The following SEH1L variants were observed in gnomAD, a reference collection of about 807,000 sequenced individuals.
The protein encoded by SEH1L is nucleoporin SEH1.
A neutral mutation model predicts 49.5 loss-of-function variants in SEH1L; 18 were observed. The observed-to-expected ratio is 0.36, with a 90% CI of 0.25 to 0.54. The LOEUF is 0.54. Ranked by LOEUF, SEH1L falls within the 20% of genes least tolerant of loss-of-function variation. The pLI is 0.87. For missense variants in SEH1L, 404 were observed against 528.8 expected (o/e 0.76, Z 2.31); for synonymous variants, 169 against 178.1 (o/e 0.95, Z 0.41).
chr18:12,986,439 A>T, intron 8 of SEH1L: 1 of 986,224 alleles, frequency 1.0e-6, no homozygotes, highest in East Asian at 1.1e-4. Context: ...CACTAAAAAA[A>T]ATGTGTGCTT....
intron 8 of SEH1L, chr18:12,986,151 G>T: frequency 1.0e-6 from 1 of 983,928 alleles, no homozygotes; most frequent in Non-Finnish European, 1.2e-6. Flanking sequence ...TCTTAATTTA[G>T]TTCGCTGTTT....
intron 4 of SEH1L, among the ~76,000 whole-genome samples, chr18:12,970,328 C>T (rs2031641094): frequency 6.6e-6 from 1 of 152,150 alleles, no homozygotes; most frequent in African/African-American, 2.4e-5. Flanking sequence ...TGAGGTTGAC[C>T]ACAGATGAGT....
chr18:12,958,012 T>C lies in SEH1L; in HGVS notation c.309+2403T>C, dbSNP rs1011236505. ...GCGTGAGCCACTACGAGGGCCATGA[T>C]GCAATTTTTTATTGTGGTAAAATAT... On this transcript the variant is annotated intron_variant, in intron 3 of 8. Transcript: ENST00000399892. Among the ~76,000 whole-genome samples, 6 of 151,102 alleles carry C rather than the reference T, an allele frequency of 4.0e-5. No individual in the cohort carries two copies. In the Admixed American group the frequency reaches 4.0e-4, roughly 10 times the overall value.
intron 6 of SEH1L, among the ~76,000 whole-genome samples, chr18:12,980,396 C>T (rs1186752692): frequency 8.7e-5 from 9 of 103,858 alleles, no homozygotes; most frequent in Non-Finnish European, 1.4e-4. Flanking sequence ...CCCTCCCGGA[C>T]GGGGCGGCTG....
intron 4 of SEH1L, among the ~76,000 whole-genome samples, chr18:12,970,415 TTTC>T (rs768265097): frequency 3.7e-4 from 56 of 152,256 alleles, no homozygotes; most frequent in Middle Eastern, 3.4e-3. Flanking sequence ...CCATCTGTTT[TTTC>T]TTCTTCTTTT....
chr18:12,949,214 CT>C (rs11314030), intron 1 of SEH1L, among the ~76,000 whole-genome samples: 2,274 of 151,650 alleles, frequency 0.015, 29 homozygotes, highest in Middle Eastern at 0.075. Context: ...ATTTAGGAAC[CT>C]CCCAGATGTG....
chr18:12,979,360 T>C (rs1406236588), intron 6 of SEH1L, among the ~76,000 whole-genome samples: 1 of 149,804 alleles, frequency 6.7e-6, no homozygotes, highest in East Asian at 2.0e-4. Context: ...ACACAGCACA[T>C]GTTTCAGAGA....
At chr18:12,977,378 A>G (rs1166122917) in intron 5 of SEH1L, 1 of 152,252 alleles carries the variant, frequency 6.6e-6, no homozygotes, top group East Asian at 1.9e-4. Flanking sequence ...TAGATAAAGA[A>G]ATAGAATTGC....
At chr18:12,950,971 AC>A (rs2030487459) in intron 1 of SEH1L, among the ~76,000 whole-genome samples, 1 of 152,100 alleles carries the variant, frequency 6.6e-6, no homozygotes, top group Admixed American at 6.6e-5. Flanking sequence ...ACAGGTGTGC[AC>A]CACCATGCCT....
At chr18:12,962,093 C>T (rs918699335) in intron 3 of SEH1L, among the ~76,000 whole-genome samples, 16 of 152,062 alleles carry the variant, frequency 1.1e-4, no homozygotes, top group Non-Finnish European at 2.1e-4. Flanking sequence ...TGTTAAAAGC[C>T]TTCACTTAAA....
intron 4 of SEH1L, among the ~76,000 whole-genome samples, chr18:12,964,209 A>T (rs980913744): frequency 6.6e-6 from 1 of 152,200 alleles, no homozygotes; most frequent in Non-Finnish European, 1.5e-5. Flanking sequence ...CACTTGGTGA[A>T]GAAAAAAATT....
intron 5 of SEH1L, among the ~76,000 whole-genome samples, chr18:12,975,175 A>G (rs2031867858): frequency 6.6e-6 from 1 of 151,946 alleles, no homozygotes; most frequent in Admixed American, 6.6e-5. Flanking sequence ...TAGTTTTAGT[A>G]GAGATGGGGT....
chr18:12,979,675 G>A (rs1241632425), intron 6 of SEH1L, among the ~76,000 whole-genome samples: 43 of 149,810 alleles, frequency 2.9e-4, no homozygotes, highest in Admixed American at 1.3e-4. Context: ...CCTCCCGGAC[G>A]GGGTGGCTGG....
At chr18:12,979,943 G>T (rs1315219621) in intron 6 of SEH1L, among the ~76,000 whole-genome samples, 2 of 135,084 alleles carry the variant, frequency 1.5e-5, no homozygotes, top group East Asian at 5.0e-4. Context: ...TCCCAGTAGG[G>T]GCGGCCGGGC....
chr18:12,961,843 T>A (rs2031192077), intron 3 of SEH1L, among the ~76,000 whole-genome samples: 1 of 152,080 alleles, frequency 6.6e-6, no homozygotes, highest in African/African-American at 2.4e-5. Flanking sequence ...ATTTGAATAT[T>A]TTTAGTAGAG....
At chr18:12,982,423 T>A (rs2032305504) in intron 6 of SEH1L, 95 bp from the exon 7 acceptor site, 3 of 873,084 alleles carry the variant, frequency 3.4e-6, no homozygotes, top group Middle Eastern at 2.8e-4. Context: ...TTGTATTAAT[T>A]TAGAATTTTA....
At chr18:12,965,970 C>G (rs963394693) in intron 4 of SEH1L, among the ~76,000 whole-genome samples, 5 of 152,214 alleles carry the variant, frequency 3.3e-5, no homozygotes, top group Admixed American at 2.6e-4. Flanking sequence ...TAACCCAAAG[C>G]TGCTGCTGTA....
At chr18:12,966,254 G>A (rs1002931321) in intron 4 of SEH1L, among the ~76,000 whole-genome samples, 2 of 151,588 alleles carry the variant, frequency 1.3e-5, no homozygotes, top group Admixed American at 6.6e-5. Flanking sequence ...CACCATGCCC[G>A]TCTAATTTTA....
intron 3 of SEH1L, among the ~76,000 whole-genome samples, chr18:12,957,678 A>G (rs2030954507): frequency 6.6e-6 from 1 of 152,128 alleles, no homozygotes; most frequent in Non-Finnish European, 1.5e-5. Context: ...AATCATGCAC[A>G]TGGTGTAAAA....
Sources: gnomAD v4.1 joint callset for allele counts (sites outside exome capture counted in the v4.1 genomes callset) on GRCh38, gnomAD v4.1.1 for gene constraint, MANE v1.5 for transcripts, NCBI Gene and HGNC (gene_info 2026-07-23, HGNC 2026-07-21) for gene names.